The following ZDHHC13 variants were observed in gnomAD, a reference collection of about 807,000 sequenced individuals.
ZDHHC13 encodes the protein palmitoyltransferase ZDHHC13.
In ZDHHC13, 85 loss-of-function variants were observed where a neutral mutation model predicts 86.0. That is an observed-to-expected ratio of 0.99 (90% CI 0.83 to 1.18). ZDHHC13 has a LOEUF of 1.18. Ranked by LOEUF, ZDHHC13 falls within the 50% of genes most tolerant of loss-of-function variation. The pLI is 0.00. For missense variants in ZDHHC13, 711 were observed against 730.2 expected (o/e 0.97, Z 0.30); for synonymous variants, 263 against 246.4 (o/e 1.07, Z -0.63).
chr11:19,133,942 T>TATATATATATATATATACACAC lies in ZDHHC13; in HGVS notation c.28-9035_28-9034insTATATATATATATATACACACA. The stretch of plus-strand genomic sequence containing the variant: ...GTCCATATATATATATATATATATA[T>TATATATATATATATATACACAC]ACACGTATGTGTTTTATATACTTCA... On this transcript the variant is annotated intron_variant, in intron 1 of 16. Coordinates refer to ENST00000446113, the MANE Select transcript of ZDHHC13 (RefSeq NM_019028.3). Among the ~76,000 whole-genome samples, 253 of 96,078 alleles carry TATATATATATATATATACACAC rather than the reference T, an allele frequency of 2.6e-3. 3 individuals carry two copies. Among genetic ancestry groups the TATATATATATATATATACACAC allele is most frequent in the Middle Eastern group, 0.013 (2 of 152 alleles). 63.0% of individuals were successfully genotyped at this position (96,078 alleles called of 152,430 possible).
intron 2 of ZDHHC13, among the ~76,000 whole-genome samples, chr11:19,143,606 T>C (rs1849381540): frequency 1.3e-5 from 2 of 152,232 alleles, no homozygotes; most frequent in African/African-American, 4.8e-5. Context: ...CTTGTTGTGC[T>C]GGACTAACTA....
intron 1 of ZDHHC13, among the ~76,000 whole-genome samples, chr11:19,140,567 T>G (rs1849284323): frequency 6.6e-6 from 1 of 152,130 alleles, no homozygotes; most frequent in Non-Finnish European, 1.5e-5. Context: ...CATTACTGGG[T>G]ATATGCCCAA....
At chr11:19,130,003 G>A (rs1299368188) in intron 1 of ZDHHC13, among the ~76,000 whole-genome samples, 1 of 152,094 alleles carries the variant, frequency 6.6e-6, no homozygotes, top group Non-Finnish European at 1.5e-5. Context: ...CAGGAGAAGG[G>A]TGTGAACCCA....
intron 2 of ZDHHC13, 68 bp downstream of exon 2, chr11:19,143,191 C>T (rs1849372072): frequency 2.0e-6 from 3 of 1,476,104 alleles, no homozygotes; most frequent in Admixed American, 4.2e-5. Flanking sequence ...ATGTGTAGTT[C>T]ATGGAGCTTC....
intron 15 of ZDHHC13, 128 bp from the exon 16 acceptor site, chr11:19,172,595 C>A: frequency 3.3e-6 from 2 of 599,578 alleles, no homozygotes; most frequent in Non-Finnish European, 5.2e-6. Flanking sequence ...TTTTCTTTGT[C>A]CCTTTTCAAG....
At chr11:19,138,028 A>T (rs1296043762) in intron 1 of ZDHHC13, among the ~76,000 whole-genome samples, 6 of 150,616 alleles carry the variant, frequency 4.0e-5, no homozygotes, top group Non-Finnish European at 8.9e-5. Flanking sequence ...AAACACATTC[A>T]AAAGCTAGCA....
intron 1 of ZDHHC13, among the ~76,000 whole-genome samples, chr11:19,119,242 C>T (rs1848709628): frequency 6.6e-6 from 1 of 152,128 alleles, no homozygotes; most frequent in Non-Finnish European, 1.5e-5. Context: ...TGCCGAGTAG[C>T]TGGAACTATA....
intron 10 of ZDHHC13, among the ~76,000 whole-genome samples, chr11:19,162,699 G>A (rs74519708): frequency 1.3e-5 from 2 of 152,074 alleles, no homozygotes; most frequent in African/African-American, 2.4e-5. Flanking sequence ...AATAGGAGCC[G>A]AAAATTCAGT....
chr11:19,139,818 G>A (rs1849257763), intron 1 of ZDHHC13, among the ~76,000 whole-genome samples: 1 of 118,914 alleles, frequency 8.4e-6, no homozygotes, highest in Middle Eastern at 4.1e-3. Context: ...ATGGGGAAAG[G>A]ATTCCCTATT....
chr11:19,175,419 G>GAAAATT (rs1373727102), intron 16 of ZDHHC13, among the ~76,000 whole-genome samples: 6 of 51,198 alleles, frequency 1.2e-4, no homozygotes, highest in East Asian at 7.4e-4. Context: ...AAAAAAAAAG[G>GAAAATT]TTTAGGGAAA....
chr11:19,130,833 C>A (rs2133372366), intron 1 of ZDHHC13, among the ~76,000 whole-genome samples: 1 of 151,816 alleles, frequency 6.6e-6, no homozygotes, highest in African/African-American at 2.4e-5. Context: ...TCTGATTTTT[C>A]CAGACTGGTT....
At chr11:19,154,323 T>C (rs1305078809) in intron 8 of ZDHHC13, among the ~76,000 whole-genome samples, 2 of 152,158 alleles carry the variant, frequency 1.3e-5, no homozygotes, top group Admixed American at 6.5e-5. Flanking sequence ...TTGAGATCCA[T>C]ATTTAATTCT....
In ZDHHC13 at chr11:19,137,743, C is replaced by T. The variant is rs972288091; in HGVS notation, c.28-5235C>T. Among the ~76,000 whole-genome samples, 453 of 152,308 alleles carry T rather than the reference C, an allele frequency of 3.0e-3. 1 individual carries two copies. The highest frequency in any genetic ancestry group is 5.5e-3 in the Non-Finnish European group (374 of 68,028). Reference sequence around the variant, plus strand: ...ACCACAGTGCAATCAAACTAGAACTCAGGATTAAGAATCTCACTCAAAACC... The same window carrying T: ...ACCACAGTGCAATCAAACTAGAACTTAGGATTAAGAATCTCACTCAAAACC... On this transcript the variant is annotated intron_variant, in intron 1 of 16. Transcript: ENST00000446113.
intron 1 of ZDHHC13, among the ~76,000 whole-genome samples, chr11:19,137,333 A>G (rs1849171724): frequency 6.6e-6 from 1 of 152,130 alleles, no homozygotes; most frequent in South Asian, 2.1e-4. Context: ...CCATTACATA[A>G]TGGTAAAGGG....
chr11:19,151,363 A>G (rs1173712857), intron 6 of ZDHHC13, among the ~76,000 whole-genome samples: 1 of 152,032 alleles, frequency 6.6e-6, no homozygotes, highest in Non-Finnish European at 1.5e-5. Context: ...GCAGATACTT[A>G]CGACAGTTCT....
rs927476965 is a variant in ZDHHC13, at chr11:19,143,004, C to T, written c.54C>T (p.His18=). The T allele has an allele frequency of 1.2e-6, 2 of 1,610,692 alleles. No homozygotes were observed. The highest frequency in any genetic ancestry group is 2.7e-5 in the African/African-American group (2 of 74,868). Residue 18 remains histidine, a synonymous_variant, in exon 2 of 17, where the codon CAC becomes CAT. Coordinates refer to ENST00000446113, the MANE Select transcript of ZDHHC13 (RefSeq NM_019028.3). ...GCAGGAATCACAGCCATGGCCCCCA[C>T]CCTCCAGGATTTGGTCGATATGGCA... is the stretch of plus-strand genomic sequence containing the variant. ...SQCRNHSHGP[H]PPGFGRYGIC...
chr11:19,124,879 T>C (rs1247813356), intron 1 of ZDHHC13, among the ~76,000 whole-genome samples: 1 of 152,090 alleles, frequency 6.6e-6, no homozygotes, highest in East Asian at 1.9e-4. Context: ...CTGATTTACC[T>C]TTTTTCTCTC....
intron 15 of ZDHHC13, among the ~76,000 whole-genome samples, chr11:19,172,246 T>C (rs374338936): frequency 2.0e-5 from 3 of 152,234 alleles, no homozygotes; most frequent in East Asian, 3.9e-4. Flanking sequence ...CTAATTTTTG[T>C]ATTTTTAGTG....
chr11:19,174,207 A>G (rs1370897813), intron 16 of ZDHHC13, among the ~76,000 whole-genome samples: 1 of 152,252 alleles, frequency 6.6e-6, no homozygotes, highest in Non-Finnish European at 1.5e-5. Context: ...TCAGGCAGAC[A>G]GAGCTGGATG....
Sources: gnomAD v4.1 joint callset for allele counts (sites outside exome capture counted in the v4.1 genomes callset) on GRCh38, gnomAD v4.1.1 for gene constraint, MANE v1.5 for transcripts, NCBI Gene and HGNC (gene_info 2026-07-23, HGNC 2026-07-21) for gene names.